Variants in CCSER1 observed in about 807,000 individuals in gnomAD.
CCSER1 encodes the protein coiled-coil serine rich protein 1.
In CCSER1, 41 loss-of-function variants were observed where a neutral mutation model predicts 82.0. The observed-to-expected ratio is 0.50, with a 90% CI of 0.39 to 0.65. CCSER1 has a LOEUF of 0.65. CCSER1 is among the 30% of genes least tolerant of loss of function. The pLI is 0.00. For synonymous variants in CCSER1, 414 were observed against 383.9 expected, an observed-to-expected ratio of 1.08 and a Z score of -0.92; for missense variants, 1,119 against 1,064.2, an observed-to-expected ratio of 1.05 and a Z score of -0.72.
At chr4:90,227,776 G>A (rs1237332456) in intron 1 of CCSER1, among the ~76,000 whole-genome samples, 3 of 152,322 alleles carry the variant, frequency 2.0e-5, no homozygotes, top group Non-Finnish European at 4.4e-5. Flanking sequence ...CACCATGCAC[G>A]AGCCGAAGCA....
At chr4:90,572,578 T>TATG (rs1449902748) in intron 5 of CCSER1, among the ~76,000 whole-genome samples, 1 of 152,042 alleles carries the variant, frequency 6.6e-6, no homozygotes, top group Non-Finnish European at 1.5e-5. Context: ...CGCACGTTAT[T>TATG]ATTATTATTA....
chr4:90,363,030 G>A (rs1006389010), intron 3 of CCSER1, among the ~76,000 whole-genome samples: 3 of 152,034 alleles, frequency 2.0e-5, no homozygotes, highest in Non-Finnish European at 4.4e-5. Flanking sequence ...GTACTGACAT[G>A]AGCTTATCAG....
At chr4:91,000,219 G>GTATAGGTATA (rs960834781) in intron 9 of CCSER1, among the ~76,000 whole-genome samples, 1 of 127,740 alleles carries the variant, frequency 7.8e-6, no homozygotes, top group African/African-American at 2.6e-5. Context: ...GTATAGTATA[G>GTATAGGTATA]GTATAGTATA....
intron 10 of CCSER1, among the ~76,000 whole-genome samples, chr4:91,565,085 G>T (rs940230793): frequency 6.9e-6 from 1 of 145,090 alleles, no homozygotes; most frequent in Non-Finnish European, 1.5e-5. Context: ...TGTGTGATGT[G>T]AAGAAGGGGT....
intron 9 of CCSER1, among the ~76,000 whole-genome samples, chr4:90,987,062 A>G (rs188506758): frequency 1.3e-5 from 2 of 151,788 alleles, no homozygotes; most frequent in Admixed American, 6.6e-5. Context: ...ACTGTCCATG[A>G]GCCCATGCAA....
intron 10 of CCSER1, among the ~76,000 whole-genome samples, chr4:91,492,567 T>C (rs778874171): frequency 4.6e-5 from 7 of 152,120 alleles, no homozygotes; most frequent in Non-Finnish European, 8.8e-5. Flanking sequence ...TATAAACTGT[T>C]GGCTCCATGT....
chr4:91,403,799 G>A (rs1316472505), intron 10 of CCSER1, among the ~76,000 whole-genome samples: 1 of 152,100 alleles, frequency 6.6e-6, no homozygotes, highest in Non-Finnish European at 1.5e-5. Flanking sequence ...CAGTTTGCCA[G>A]TATTTTATTG....
Position 91,384,571 on chromosome 4 carries a change from A to G in CCSER1, c.2218-214001A>G, listed in dbSNP as rs138375532. On this transcript the variant is annotated intron_variant, in intron 10 of 10. Coordinates refer to ENST00000509176, the MANE Select transcript of CCSER1 (RefSeq NM_001145065.2). ...TACTCACATTATGTGCAAGAATAAT[A>G]TAAAAATGGTTGAGAGAATTAAATG... Among the ~76,000 whole-genome samples, 640 of 152,182 alleles carry G rather than the reference A, an allele frequency of 4.2e-3. 9 individuals are homozygous for G. The highest frequency in any genetic ancestry group is 0.014 in the African/African-American group (590 of 41,552).
rs139637426 is a variant in CCSER1 at position 91,117,812 on chromosome 4, C to T, written c.2217+31818C>T. Among the ~76,000 whole-genome samples the T allele has an allele frequency of 6.6e-5, 10 of 152,230 alleles. No individual in the cohort carries two copies. In the East Asian group the frequency reaches 7.7e-4, roughly 12 times the overall value. ...GACATATTCTTATGTTTATATGTTA[C>T]TTATATTATTTAAACCTATTTTCTT... On this transcript the variant is annotated intron_variant, in intron 10 of 10. Transcript: ENST00000509176.
At chr4:90,923,315 T>C (rs1728647652) in intron 8 of CCSER1, 55 bp from the exon 9 acceptor site, 4 of 1,163,400 alleles carry the variant, frequency 3.4e-6, no homozygotes, top group Non-Finnish European at 5.0e-6. Flanking sequence ...AGAATATTAG[T>C]GTAGAAGTAC....
At chr4:91,041,788 T>C (rs1451337443) in intron 9 of CCSER1, among the ~76,000 whole-genome samples, 16 of 152,202 alleles carry the variant, frequency 1.1e-4, no homozygotes, top group Non-Finnish European at 7.3e-5. Context: ...TACACATGAA[T>C]TATAATGCTG....
At chr4:90,339,184 C>A (rs1740936120) in intron 3 of CCSER1, among the ~76,000 whole-genome samples, 1 of 152,168 alleles carries the variant, frequency 6.6e-6, no homozygotes, top group Non-Finnish European at 1.5e-5. Context: ...CTTCTTCCTG[C>A]CTGTGTTCCT....
Position 90,456,534 on chromosome 4 carries a change from T to A in CCSER1, c.1604-11700T>A, listed in dbSNP as rs377587566. ...ACACTGAGATATAGCCTCAGCCAGATACCCTCATTTGCCCCAGGACCTCCT... is the reference window on the plus strand; with the variant it reads ...ACACTGAGATATAGCCTCAGCCAGAAACCCTCATTTGCCCCAGGACCTCCT... On this transcript the variant is annotated intron_variant, in intron 4 of 10. Transcript: ENST00000509176. Among the ~76,000 whole-genome samples, 409 of 152,244 alleles carry A rather than the reference T, an allele frequency of 2.7e-3. 24 individuals carry two copies. The South Asian group carries it at 0.082, about 31-fold the overall frequency.
At chr4:90,768,851 G>T (rs1751654088) in intron 7 of CCSER1, among the ~76,000 whole-genome samples, 1 of 152,118 alleles carries the variant, frequency 6.6e-6, no homozygotes, top group Non-Finnish European at 1.5e-5. Flanking sequence ...CTATAGAGTG[G>T]GGAGATAAAT....
At chr4:90,572,507 A>C (rs1025294084) in intron 5 of CCSER1, among the ~76,000 whole-genome samples, 2 of 151,906 alleles carry the variant, frequency 1.3e-5, no homozygotes, top group Admixed American at 1.3e-4. Context: ...AAATCTCATA[A>C]GTTTTTTCAT....
chr4:90,129,317 T>A (rs1471834990), intron 1 of CCSER1, among the ~76,000 whole-genome samples: 5 of 152,262 alleles, frequency 3.3e-5, no homozygotes, highest in African/African-American at 1.2e-4. Flanking sequence ...ATCTAGGCTA[T>A]AATATAATTT....
intron 10 of CCSER1, among the ~76,000 whole-genome samples, chr4:91,195,355 A>G (rs991511774): frequency 2.0e-5 from 3 of 152,234 alleles, no homozygotes; most frequent in African/African-American, 7.2e-5. Flanking sequence ...TAATTTGTGT[A>G]TAAGTCTAAT....
chr4:91,070,107 C>T (rs770989929), intron 9 of CCSER1, among the ~76,000 whole-genome samples: 11 of 151,950 alleles, frequency 7.2e-5, no homozygotes, highest in Non-Finnish European at 1.6e-4. Flanking sequence ...GCCTCAGCCT[C>T]CCAAGTAGCT....
At chr4:90,595,792 A>G (rs1263169147) in intron 5 of CCSER1, among the ~76,000 whole-genome samples, 1 of 151,950 alleles carries the variant, frequency 6.6e-6, no homozygotes, top group Non-Finnish European at 1.5e-5. Flanking sequence ...ATTTTCACAA[A>G]AAATAAAATA....
Sources: allele counts gnomAD v4.1 joint callset (sites outside exome capture counted in the v4.1 genomes callset), GRCh38; gene constraint gnomAD v4.1.1; transcripts MANE v1.5; gene names NCBI Gene and HGNC (gene_info 2026-07-23, HGNC 2026-07-21).